Variants in SPEF2 observed in about 807,000 individuals in gnomAD.
SPEF2 encodes the protein sperm flagellar and cilia associated 2.
Under a neutral mutation model 224.6 loss-of-function variants are expected in SPEF2, and 187 were observed. The observed-to-expected ratio is 0.83, with a 90% CI of 0.74 to 0.94. The LOEUF is 0.94. Ranked by LOEUF, SPEF2 falls within the 40% of genes least tolerant of loss-of-function variation. The pLI is 0.00. For synonymous variants in SPEF2, 715 were observed against 707.3 expected (o/e 1.01, Z -0.17); for missense variants, 2,170 against 2,135.6 (o/e 1.02, Z -0.32).
intron 23 of SPEF2, among the ~76,000 whole-genome samples, chr5:35,752,153 G>A (rs980579441): frequency 2.0e-5 from 3 of 152,008 alleles, no homozygotes; most frequent in African/African-American, 7.3e-5. Context: ...ATGCTCACTT[G>A]CCCACCGCTC....
At chr5:35,710,019 A>G in intron 19 of SPEF2, 1 of 978,216 alleles carries the variant, frequency 1.0e-6, no homozygotes, top group South Asian at 4.7e-5. Context: ...TATTCATATT[A>G]AACAAAGACA....
chr5:35,640,886 A>G (rs1746540811), intron 2 of SPEF2, among the ~76,000 whole-genome samples: 1 of 151,910 alleles, frequency 6.6e-6, no homozygotes, highest in Admixed American at 6.6e-5. Context: ...TTTAGAAATC[A>G]CTCTTATATT....
chr5:35,679,599 C>T (rs1752500855), intron 10 of SPEF2, among the ~76,000 whole-genome samples: 1 of 152,088 alleles, frequency 6.6e-6, no homozygotes, highest in African/African-American at 2.4e-5. Flanking sequence ...TCTAGGACAC[C>T]CAAGGCAAAT....
intron 30 of SPEF2, among the ~76,000 whole-genome samples, chr5:35,780,684 A>T (rs1000276819): frequency 7.9e-5 from 12 of 152,038 alleles, no homozygotes; most frequent in African/African-American, 2.9e-4. Context: ...TCTTCATTTT[A>T]TCCAGGCCAT....
Position 35,691,248 on chromosome 5 carries a change from T to C in SPEF2, c.1736T>C (p.Leu579Pro). Reference protein sequence around the residue: ...LSGKTTILRSLQKDFPIQILS... With the variant: ...LSGKTTILRSPQKDFPIQILS... ...GGAAAAACTACCATTTTAAGGTCTC[T>C]ACAAAAAGGTAGAATTTCTTCTCCT... is the stretch of plus-strand genomic sequence containing the variant. Residue 579 changes from leucine (L) to proline (P), a missense_variant, in exon 11 of 37, where the codon CTA (leucine) becomes CCA (proline). Transcript: ENST00000356031. The C allele has an allele frequency of 1.9e-6, 3 of 1,613,154 alleles. No homozygotes were observed. The highest frequency in any genetic ancestry group is 2.5e-6 in the Non-Finnish European group (3 of 1,179,334).
chr5:35,675,188 C>T lies in SPEF2; in HGVS notation c.1524+4961C>T, dbSNP rs140200964. On this transcript the variant is annotated intron_variant, in intron 10 of 36. Coordinates refer to ENST00000356031, the MANE Select transcript of SPEF2 (RefSeq NM_024867.4). ...TGAGATATTCTCTAAGGCTATTATTCTATTGTAAAAATTCTGCCTGTCATT... is the reference window on the plus strand; with the variant it reads ...TGAGATATTCTCTAAGGCTATTATTTTATTGTAAAAATTCTGCCTGTCATT... 4.3e-3 allele frequency among the ~76,000 whole-genome samples: 652 copies of T among 152,236 alleles called. 6 individuals are homozygous for T. The highest frequency in any genetic ancestry group is 0.015 in the African/African-American group (618 of 41,548).
At chr5:35,797,351 TGTGTGTG>T (rs1361799712) in intron 33 of SPEF2, among the ~76,000 whole-genome samples, 2 of 151,772 alleles carry the variant, frequency 1.3e-5, no homozygotes, top group Non-Finnish European at 2.9e-5. Context: ...TGTGTGTGTG[TGTGTGTG>T]TGTGATGTCC....
At chr5:35,745,782 G>C (rs190257075) in intron 23 of SPEF2, among the ~76,000 whole-genome samples, 1 of 152,248 alleles carries the variant, frequency 6.6e-6, no homozygotes, top group East Asian at 1.9e-4. Flanking sequence ...GGAGTTCTAG[G>C]GCCCAGCCCA....
intron 18 of SPEF2, among the ~76,000 whole-genome samples, chr5:35,708,452 T>C (rs973178392): frequency 1.3e-5 from 2 of 151,754 alleles, no homozygotes; most frequent in Non-Finnish European, 2.9e-5. Flanking sequence ...TTATCACTTT[T>C]ACATTTGACA....
chr5:35,780,298 A>G (rs540219797), intron 30 of SPEF2, among the ~76,000 whole-genome samples: 62 of 152,294 alleles, frequency 4.1e-4, no homozygotes, highest in Middle Eastern at 3.4e-3. Flanking sequence ...CACATCATAT[A>G]TCATTAGTAA....
At chr5:35,755,885 C>T (rs1750367947) in intron 24 of SPEF2, among the ~76,000 whole-genome samples, 1 of 152,160 alleles carries the variant, frequency 6.6e-6, no homozygotes, top group South Asian at 2.1e-4. Flanking sequence ...GCTGGGATTA[C>T]AGGAGTGAGC....
At position 35,774,003 on chromosome 5, in the gene SPEF2, GCT is replaced by G; in HGVS notation, c.4061_4062del (p.Ala1354GlyfsTer5). ...LRVKIKEEHL[A>X]ALQFEEIATQ... The stretch of plus-strand genomic sequence containing the variant: ...GGTCAAAATAAAAGAAGAACACCTT[GCT>G]GCCTTGCAATTTGAAGGTAGCGATT... On this transcript the variant is annotated frameshift_variant, in exon 28 of 37. Transcript: ENST00000356031. LOFTEE classifies it high-confidence loss of function. 6.2e-7 allele frequency: 1 copy of G among 1,612,520 alleles called. No individual in the cohort carries two copies. Among genetic ancestry groups the G allele is most frequent in the Non-Finnish European group, 8.5e-7 (1 of 1,179,338 alleles).
At position 35,773,460 on chromosome 5, in the gene SPEF2, C is replaced by T. The variant is rs184922096; in HGVS notation, c.3950-433C>T. The stretch of plus-strand genomic sequence containing the variant: ...ACCCACATCTTCTTGAGGTTATTCT[C>T]GTATCTTCTTTTTTGGTGAAGATCT... On this transcript the variant is annotated intron_variant, in intron 27 of 36. Transcript: ENST00000356031. Among the ~76,000 whole-genome samples the T allele has an allele frequency of 3.5e-3, 532 of 152,274 alleles. 4 individuals carry two copies. The highest frequency in any genetic ancestry group is 0.01 in the Middle Eastern group (3 of 294).
At chr5:35,660,274 G>C (rs141294740) in intron 8 of SPEF2, among the ~76,000 whole-genome samples, 3,270 of 152,198 alleles carry the variant, frequency 0.021, 57 homozygotes, top group Admixed American at 0.035. Flanking sequence ...TGATTGAAGA[G>C]AACTCCTGTG....
At chr5:35,686,161 T>G (rs1753582917) in intron 10 of SPEF2, among the ~76,000 whole-genome samples, 1 of 152,064 alleles carries the variant, frequency 6.6e-6, no homozygotes, top group African/African-American at 2.4e-5. Context: ...TTGAGGAGAC[T>G]TATGTGATTA....
At chr5:35,770,119 G>A (rs530516436) in intron 26 of SPEF2, among the ~76,000 whole-genome samples, 7 of 151,262 alleles carry the variant, frequency 4.6e-5, no homozygotes, top group Admixed American at 1.3e-4. Flanking sequence ...AACAACCTTC[G>A]CCTCCCCAGG....
intron 24 of SPEF2, among the ~76,000 whole-genome samples, chr5:35,757,373 C>A (rs1245707208): frequency 6.6e-6 from 1 of 152,010 alleles, no homozygotes; most frequent in Non-Finnish European, 1.5e-5. Context: ...CTCTACTAAA[C>A]CTAATCATTA....
At chr5:35,713,010 A>G in intron 20 of SPEF2, 124 bp downstream of exon 20, 1 of 887,726 alleles carries the variant, frequency 1.1e-6, no homozygotes. Context: ...TGTAAATCAT[A>G]AGCCCTTGCC....
At chr5:35,704,209 A>G (rs959853881) in intron 16 of SPEF2, among the ~76,000 whole-genome samples, 3 of 146,266 alleles carry the variant, frequency 2.1e-5, no homozygotes, top group Admixed American at 6.9e-5. Context: ...TTGTTCTTTC[A>G]TCTTAATTTT....
Sources: allele counts gnomAD v4.1 joint callset (sites outside exome capture counted in the v4.1 genomes callset), GRCh38; gene constraint gnomAD v4.1.1; transcripts MANE v1.5; gene names NCBI Gene and HGNC (gene_info 2026-07-23, HGNC 2026-07-21).